The following JAKMIP3 variants were observed in gnomAD, a reference collection of about 807,000 sequenced individuals.
The protein encoded by JAKMIP3 is janus kinase and microtubule-interacting protein 3.
A neutral mutation model predicts 118.5 loss-of-function variants in JAKMIP3; 58 were observed. The observed-to-expected ratio is 0.49, with a 90% CI of 0.40 to 0.61. JAKMIP3 has a LOEUF of 0.61. JAKMIP3 is among the 20% of genes least tolerant of loss of function. The pLI is 0.00. For synonymous variants in JAKMIP3, 486 were observed against 451.2 expected (o/e 1.08, Z -0.98); for missense variants, 950 against 1,109.0 (o/e 0.86, Z 2.04).
chr10:132,093,700 C>G lies in JAKMIP3; in HGVS notation c.-137-10972C>G, dbSNP rs139945541. ...TTGCACTTCCTGGGTGAGGTGATGC[C>G]TCGCCCTGCTTCGGCTCACGTTCGG... On this transcript the variant is annotated intron_variant, in intron 1 of 23. Coordinates refer to ENST00000684848, the MANE Select transcript of JAKMIP3 (RefSeq NM_001323087.2). Among the ~76,000 whole-genome samples, 1,139 of 152,250 alleles carry G rather than the reference C, an allele frequency of 7.5e-3. 9 individuals carry two copies. Among genetic ancestry groups the G allele is most frequent in the African/African-American group, 0.026 (1,068 of 41,522 alleles).
intron 23 of JAKMIP3, among the ~76,000 whole-genome samples, chr10:132,175,830 TAAAAG>T (rs1386800285): frequency 2.0e-5 from 3 of 152,186 alleles, no homozygotes; most frequent in African/African-American, 4.8e-5. Context: ...AAGCTTCACT[TAAAAG>T]AAATGTGTAA....
At chr10:132,175,476 G>GAT (rs1333571296) in intron 23 of JAKMIP3, among the ~76,000 whole-genome samples, 1 of 152,164 alleles carries the variant, frequency 6.6e-6, no homozygotes, top group African/African-American at 2.4e-5. Context: ...GGAAAGCAGG[G>GAT]ATGCTGGTGG....
chr10:132,091,621 T>C (rs1338359505), intron 1 of JAKMIP3, among the ~76,000 whole-genome samples: 7 of 151,670 alleles, frequency 4.6e-5, no homozygotes, highest in East Asian at 1.9e-4. Flanking sequence ...TTCCATTTGC[T>C]TGGTAGATCT....
At chr10:132,097,656 T>G (rs147186795) in intron 1 of JAKMIP3, among the ~76,000 whole-genome samples, 3 of 151,984 alleles carry the variant, frequency 2.0e-5, no homozygotes, top group Non-Finnish European at 2.9e-5. Context: ...TTTTCCAAGA[T>G]GTTCTCATTG....
chr10:132,064,816 G>A (rs1290773833), upstream of JAKMIP3, among the ~76,000 whole-genome samples: 1 of 152,150 alleles, frequency 6.6e-6, no homozygotes, highest in East Asian at 1.9e-4. This position sits in a 1 kb window ranked among gnomAD's most constrained non-coding sequence, Gnocchi z 4.4. Flanking sequence ...GGCCTGCCCT[G>A]TGCCATCCTC....
chr10:132,061,079 C>T (rs1279812669), upstream of JAKMIP3, among the ~76,000 whole-genome samples: 1 of 152,180 alleles, frequency 6.6e-6, no homozygotes, highest in Non-Finnish European at 1.5e-5. Flanking sequence ...TAATAGATTT[C>T]AGCAAGCTGC....
intron 1 of JAKMIP3, among the ~76,000 whole-genome samples, chr10:132,067,916 G>A (rs1564861398): frequency 6.8e-6 from 1 of 147,022 alleles, no homozygotes; most frequent in African/African-American, 2.5e-5. Flanking sequence ...TGGACTCTGG[G>A]CTTCTGTGTG....
chr10:132,129,620 G>A (rs1397041041), intron 3 of JAKMIP3, among the ~76,000 whole-genome samples: 3 of 152,314 alleles, frequency 2.0e-5, no homozygotes, highest in Middle Eastern at 3.4e-3. Flanking sequence ...CAGGGAAAAC[G>A]TTAGGGGAGG....
intron 23 of JAKMIP3, among the ~76,000 whole-genome samples, chr10:132,180,678 C>CGTGTGTGT (rs1323173621): frequency 4.2e-4 from 4 of 9,558 alleles, no homozygotes; most frequent in Non-Finnish European, 3.4e-4. Context: ...TGTGTGTGCG[C>CGTGTGTGT]GCGCGTGTGT....
intron 16 of JAKMIP3, among the ~76,000 whole-genome samples, chr10:132,150,984 T>G (rs1246513470): frequency 1.3e-5 from 2 of 152,010 alleles, no homozygotes; most frequent in Non-Finnish European, 2.9e-5. Flanking sequence ...AATCCATTCA[T>G]TCTCCATCCT....
intron 3 of JAKMIP3, among the ~76,000 whole-genome samples, chr10:132,129,874 C>T (rs1333274145): frequency 9.7e-6 from 1 of 103,176 alleles, no homozygotes; most frequent in Non-Finnish European, 1.8e-5. Flanking sequence ...GGCATCAGTA[C>T]CTTTTTTTTT....
intron 19 of JAKMIP3, among the ~76,000 whole-genome samples, chr10:132,159,726 GTCTTCCTGTGTGATACTGGGGGGGCC>G (rs2057748594): frequency 1.5e-5 from 1 of 64,760 alleles, no homozygotes; most frequent in Non-Finnish European, 2.8e-5. Flanking sequence ...CTGGGGGCAT[GTCTTCCTGTGTGATACTGGGGGGGCC>G]TCTTCCTGTG....
At chr10:132,153,292 G>T (rs1406318785) in intron 17 of JAKMIP3, among the ~76,000 whole-genome samples, 1 of 152,240 alleles carries the variant, frequency 6.6e-6, no homozygotes, top group Non-Finnish European at 1.5e-5. Context: ...TGGTGAGTCT[G>T]CAGGCAGCGT....
At chr10:132,174,275 G>A (rs950128255) in intron 23 of JAKMIP3, among the ~76,000 whole-genome samples, 1 of 152,118 alleles carries the variant, frequency 6.6e-6, no homozygotes, top group African/African-American at 2.4e-5. Flanking sequence ...TGTCAGTTTT[G>A]CCTCTTCCAC....
chr10:132,169,649 C>A (rs1301360811), intron 23 of JAKMIP3, among the ~76,000 whole-genome samples: 2 of 152,154 alleles, frequency 1.3e-5, no homozygotes, highest in Non-Finnish European at 2.9e-5. Flanking sequence ...GGGGGCCGCC[C>A]AGGGAGCGCT....
At chr10:132,101,018 T>C (rs937050145) in intron 1 of JAKMIP3, among the ~76,000 whole-genome samples, 1 of 152,140 alleles carries the variant, frequency 6.6e-6, no homozygotes, top group African/African-American at 2.4e-5. Flanking sequence ...CCCAGATTGG[T>C]GCTGGAGAAA....
chr10:132,056,548 T>C (rs7896416), intron 1 of JAKMIP3, among the ~76,000 whole-genome samples: 103,299 of 152,068 alleles, frequency 0.68, 36,075 homozygotes, highest in East Asian at 0.99. Flanking sequence ...TGGTGTTCAG[T>C]GGCCACAGGA....
chr10:132,147,910 A>C, intron 13 of JAKMIP3, 42 bp from the exon 14 acceptor site: 1 of 1,403,406 alleles, frequency 7.1e-7, no homozygotes, highest in Non-Finnish European at 9.9e-7. Flanking sequence ...CTCTGGTGAG[A>C]GAGAACCAGA....
At chr10:132,077,411 G>A (rs1236863824) in intron 1 of JAKMIP3, among the ~76,000 whole-genome samples, 1 of 152,194 alleles carries the variant, frequency 6.6e-6, no homozygotes, top group Non-Finnish European at 1.5e-5. Flanking sequence ...CTCTTCTGAA[G>A]GGCACACTGG....
Sources: allele counts gnomAD v4.1 joint callset (sites outside exome capture counted in the v4.1 genomes callset), GRCh38; gene constraint gnomAD v4.1.1; non-coding constraint Gnocchi (gnomAD v3.1); transcripts MANE v1.5; gene names NCBI Gene and HGNC (gene_info 2026-07-23, HGNC 2026-07-21).